Variants in SRD5A2 observed in about 807,000 individuals in gnomAD.
SRD5A2 encodes steroid 5 alpha-reductase 2.
A neutral mutation model predicts 27.4 loss-of-function variants in SRD5A2; 30 were observed. That is an observed-to-expected ratio of 1.10 (90% confidence interval 0.82 to 1.49). The LOEUF is 1.49. Ranked by LOEUF, SRD5A2 falls within the 40% of genes most tolerant of loss-of-function variation. The pLI, the probability that SRD5A2 is intolerant of heterozygous loss-of-function variation, is 0.00. For missense variants in SRD5A2, 348 were observed against 323.4 expected, an observed-to-expected ratio of 1.08 and a Z score of -0.58; for synonymous variants, 141 against 133.6, an observed-to-expected ratio of 1.06 and a Z score of -0.38.
intron 1 of SRD5A2, among the ~76,000 whole-genome samples, chr2:31,579,594 A>G (rs1478695539): frequency 6.6e-6 from 1 of 152,216 alleles, no homozygotes; most frequent in Non-Finnish European, 1.5e-5. Flanking sequence ...AGCGGGCACC[A>G]GCTGTATTGT....
At chr2:31,620,859 G>C in the SRD5A2 span, among the ~76,000 whole-genome samples, 1 of 146,040 alleles carries the variant, frequency 6.8e-6, no homozygotes, top group East Asian at 2.0e-4. Context: ...ATCCACGATG[G>C]TCTCAAAATA....
intron 1 of SRD5A2, among the ~76,000 whole-genome samples, chr2:31,577,291 A>C (rs929640484): frequency 2.0e-5 from 3 of 151,756 alleles, no homozygotes; most frequent in Non-Finnish European, 4.4e-5. Context: ...CCACAACAAT[A>C]GATTCTGAAG....
the SRD5A2 span, among the ~76,000 whole-genome samples, chr2:31,603,896 G>T: frequency 6.6e-6 from 1 of 151,970 alleles, no homozygotes; most frequent in African/African-American, 2.4e-5. Context: ...CCTGTCAGAG[G>T]GTGTGGGGTG....
At chr2:31,537,712 C>A (rs953244558) in intron 1 of SRD5A2, among the ~76,000 whole-genome samples, 2 of 152,152 alleles carry the variant, frequency 1.3e-5, no homozygotes, top group African/African-American at 4.8e-5. Flanking sequence ...TTCATATAAT[C>A]TGAATGTGTT....
chr2:31,527,790 C>T (rs962787640), intron 4 of SRD5A2: 3 of 152,238 alleles, frequency 2.0e-5, no homozygotes, highest in Non-Finnish European at 4.4e-5. Context: ...AGGTCACTAG[C>T]TGTTGCTTCA....
chr2:31,656,921 G>T, the SRD5A2 span, among the ~76,000 whole-genome samples: 1 of 152,032 alleles, frequency 6.6e-6, no homozygotes, highest in Non-Finnish European at 1.5e-5. Context: ...AATCATGGGG[G>T]AAAAACAGAT....
chr2:31,539,617 G>C (rs917156791), intron 1 of SRD5A2, among the ~76,000 whole-genome samples: 24 of 152,098 alleles, frequency 1.6e-4, no homozygotes, highest in African/African-American at 5.1e-4. Context: ...GACAACATGG[G>C]GAGCCAGGAT....
the SRD5A2 span, among the ~76,000 whole-genome samples, chr2:31,661,208 T>G: frequency 6.6e-6 from 1 of 152,136 alleles, no homozygotes; most frequent in East Asian, 1.9e-4. Flanking sequence ...CCAGCTACAT[T>G]TTTGAACATA....
the SRD5A2 span, among the ~76,000 whole-genome samples, chr2:31,643,590 A>C: frequency 6.6e-6 from 1 of 152,114 alleles, no homozygotes; most frequent in East Asian, 1.9e-4. Context: ...TTTCCACCAA[A>C]AGGAACTAAT....
At chr2:31,570,952 C>G (rs946745709) in intron 1 of SRD5A2, among the ~76,000 whole-genome samples, 1 of 152,032 alleles carries the variant, frequency 6.6e-6, no homozygotes, top group Admixed American at 6.6e-5. Flanking sequence ...ACTGCCAAAG[C>G]GATTTACAGA....
At chr2:31,571,098 A>G (rs1666839821) in intron 1 of SRD5A2, among the ~76,000 whole-genome samples, 1 of 152,228 alleles carries the variant, frequency 6.6e-6, no homozygotes, top group Non-Finnish European at 1.5e-5. Flanking sequence ...AGCTGGAGGC[A>G]CCACATTACC....
At chr2:31,608,507 C>T in the SRD5A2 span, among the ~76,000 whole-genome samples, 1 of 151,604 alleles carries the variant, frequency 6.6e-6, no homozygotes, top group Non-Finnish European at 1.5e-5. Flanking sequence ...TTTCAGATGG[C>T]ATGATTATGA....
chr2:31,585,061 C>T (rs776406280), upstream of SRD5A2, among the ~76,000 whole-genome samples: 13 of 152,140 alleles, frequency 8.5e-5, no homozygotes, highest in Non-Finnish European at 1.9e-4. Flanking sequence ...AAAAGGAAAG[C>T]CAGACAAAGT....
intron 1 of SRD5A2, among the ~76,000 whole-genome samples, chr2:31,567,918 A>G (rs914454657): frequency 6.6e-6 from 1 of 152,024 alleles, no homozygotes; most frequent in African/African-American, 2.4e-5. Context: ...GCCAAGGGTG[A>G]GCCAGGCACA....
upstream of SRD5A2, chr2:31,580,946 C>A (rs774272770): frequency 6.4e-7 from 1 of 1,558,330 alleles, no homozygotes; most frequent in Non-Finnish European, 8.7e-7. Context: ...CAGAAGAGAG[C>A]GCGGCCCCCG....
the SRD5A2 span, among the ~76,000 whole-genome samples, chr2:31,591,663 AAC>A: frequency 6.6e-6 from 1 of 151,456 alleles, no homozygotes; most frequent in East Asian, 1.9e-4. Flanking sequence ...CACTATTCAC[AAC>A]AGTGAAGACT....
the SRD5A2 span, among the ~76,000 whole-genome samples, chr2:31,647,448 T>C: frequency 2.8e-4 from 43 of 152,314 alleles, no homozygotes; most frequent in Admixed American, 1.2e-3. Flanking sequence ...CGTTTTACCT[T>C]CCATGGTTTT....
chr2:31,528,697 T>C (rs2148062740), intron 4 of SRD5A2, among the ~76,000 whole-genome samples: 1 of 152,088 alleles, frequency 6.6e-6, no homozygotes, highest in Middle Eastern at 3.4e-3. Context: ...ACCTGGGAGG[T>C]GAAGGCTGCA....
chr2:31,639,617 T>C, the SRD5A2 span, among the ~76,000 whole-genome samples: 6 of 152,188 alleles, frequency 3.9e-5, no homozygotes, highest in South Asian at 1.0e-3. Flanking sequence ...CTGGATACCA[T>C]TTCTCACATG....
Sources: gnomAD v4.1 joint callset for allele counts (sites outside exome capture counted in the v4.1 genomes callset) on GRCh38, gnomAD v4.1.1 for gene constraint, MANE v1.5 for transcripts, NCBI Gene and HGNC (gene_info 2026-07-23, HGNC 2026-07-21) for gene names.